Variants in DGCR8 observed in about 807,000 individuals in gnomAD.
DGCR8 encodes the protein microprocessor complex subunit DGCR8.
Under a neutral mutation model 78.5 loss-of-function variants are expected in DGCR8, and 14 were observed. The ratio of observed to expected loss-of-function variants is 0.18; its 90% CI spans 0.12 to 0.28. The LOEUF (loss-of-function observed/expected upper bound fraction) is 0.28. Ranked by LOEUF, DGCR8 falls within the 10% of genes least tolerant of loss-of-function variation. DGCR8 has a pLI of 1.00. For synonymous variants in DGCR8, 399 were observed against 402.4 expected (o/e 0.99, Z 0.10); for missense variants, 702 against 1,022.5 (o/e 0.69, Z 4.28).
rs985687929 is a variant in DGCR8, at chr22:20,100,425, C to T, written c.1788+5630C>T. Reference sequence around the variant, plus strand: ...GAAATATGGCTCCCAGGGAGGCTTCCAAGGCCCTCTGGGGAAGTGCTTGCG... The same window carrying T: ...GAAATATGGCTCCCAGGGAGGCTTCTAAGGCCCTCTGGGGAAGTGCTTGCG... On this transcript the variant is annotated intron_variant, in intron 9 of 13. Transcript: ENST00000351989. 1.7e-5 allele frequency: 17 copies of T among 985,272 alleles called. No homozygotes were observed. In the African/African-American group the frequency reaches 2.8e-4, roughly 16 times the overall value. The allele number at this position is 985,272 out of a possible 1,614,324, so 61.0% of individuals were successfully genotyped here.
At chr22:20,098,730 C>T (rs924170902) in intron 9 of DGCR8, among the ~76,000 whole-genome samples, 21 of 152,128 alleles carry the variant, frequency 1.4e-4, no homozygotes, top group African/African-American at 4.6e-4. Context: ...TGGAGGATAG[C>T]GATCTCCATG....
intron 13 of DGCR8, 30 bp from the exon 14 acceptor site, chr22:20,109,995 T>C (rs200853696): frequency 5.0e-6 from 8 of 1,611,356 alleles, no homozygotes; most frequent in East Asian, 2.2e-5. Context: ...CCCACCTCAC[T>C]GGTACCCCTG....
chr22:20,086,791 A>AC lies in DGCR8; in HGVS notation c.720+108_720+109insC. On this transcript the variant is annotated intron_variant, in intron 2 of 13. Transcript: ENST00000351989. The surrounding 1 kb of genome is among the most constrained non-coding windows in gnomAD (Gnocchi z 6.4). ...GGAAATTAAAAAAAAAAAAAACAAA[A>AC]ACCAAAATCCCCTCTGAGGTGGAAT... is the stretch of plus-strand genomic sequence containing the variant. 1 of 1,269,560 alleles carries AC rather than the reference A, an allele frequency of 7.9e-7. No homozygotes were observed. The highest frequency in any genetic ancestry group is 1.1e-6 in the Non-Finnish European group (1 of 928,334). 78.6% of individuals were successfully genotyped at this position (1,269,560 alleles called of 1,614,324 possible). A position where few individuals can be genotyped will look rare whatever the true frequency, so the allele number is the denominator to read the frequency against.
At chr22:20,088,115 G>A (rs766560247) in intron 3 of DGCR8, among the ~76,000 whole-genome samples, 6 of 152,108 alleles carry the variant, frequency 3.9e-5, no homozygotes, top group South Asian at 2.1e-4. Context: ...AGCAAGGGGC[G>A]GGTGGCACAT....
rs1224177680 is a variant in DGCR8, at chr22:20,085,129, C to T, written c.-277-558C>T. On this transcript the variant is annotated intron_variant, in intron 1 of 13. Transcript: ENST00000351989. This position sits in a 1 kb window ranked among gnomAD's most constrained non-coding sequence, Gnocchi z 6.2. The stretch of plus-strand genomic sequence containing the variant: ...ACCTCAGCACGCTGCATCACTGTCC[C>T]CGTCCACGTGCTACCCTGTGGGCCC... The T allele has an allele frequency of 2.5e-6, 2 of 791,342 alleles. No individual in the cohort carries two copies. Among genetic ancestry groups the T allele is most frequent in the Admixed American group, 1.2e-4 (2 of 16,040 alleles). 49.0% of individuals were successfully genotyped at this position (791,342 alleles called of 1,614,324 possible).
rs41281425 is a variant in DGCR8 at position 20,110,645 on chromosome 22, G to C, written c.*537G>C. Reference sequence around the variant, plus strand: ...TTTCCCCTTCTTTGAAAAGGTAGAAGAGAAAGGAATATTTTAAACCTTTTT... The same window carrying C: ...TTTCCCCTTCTTTGAAAAGGTAGAACAGAAAGGAATATTTTAAACCTTTTT... On this transcript the variant is annotated 3_prime_UTR_variant, in exon 14 of 14. Transcript: ENST00000351989. 11,746 of 155,140 alleles carry C rather than the reference G, an allele frequency of 0.076. 559 individuals are homozygous for C. Among genetic ancestry groups the C allele is most frequent in the African/African-American group, 0.13 (5,465 of 41,642 alleles). The allele number at this position is 155,140 out of a possible 1,614,324, so 9.6% of individuals were successfully genotyped here.
At position 20,086,752 on chromosome 22, in the gene DGCR8, T is replaced by C. The variant is rs2049488827; in HGVS notation, c.720+69T>C. The C allele has an allele frequency of 1.1e-5, 15 of 1,428,076 alleles. No individual in the cohort carries two copies. 88.5% of individuals were successfully genotyped at this position (1,428,076 alleles called of 1,614,324 possible). On this transcript the variant is annotated intron_variant, in intron 2 of 13. Transcript: ENST00000351989. This position sits in a 1 kb window ranked among gnomAD's most constrained non-coding sequence, Gnocchi z 6.4. ...AAAGAGAGATTTGGGAATTGCAGCA[T>C]CTTTTGAAAGCAGGGAAATTAAAAA...
chr22:20,109,519 C>T (rs2147944464), intron 13 of DGCR8, among the ~76,000 whole-genome samples: 1 of 152,322 alleles, frequency 6.6e-6, no homozygotes, highest in Middle Eastern at 3.4e-3. Flanking sequence ...GGGTGAGAGC[C>T]CCAGGAGGTA....
rs1161584726 is a variant in DGCR8 at position 20,086,205 on chromosome 22, C to G, written c.242C>G (p.Ser81Cys). The change falls in exon 2 of 14, where the codon TCT becomes TGT. Residue 81 changes from serine to cysteine, a missense_variant. Physicochemically the swap from Ser to Cys is moderately radical, Grantham distance 112 (BLOSUM62 -1). This residue lies in a region of DGCR8 where 356 missense variants were observed against 448.9 expected (regional missense o/e 0.79). Coordinates refer to ENST00000351989, the MANE Select transcript of DGCR8 (RefSeq NM_022720.7). The surrounding 1 kb of genome is among the most constrained non-coding windows in gnomAD (Gnocchi z 6.4). The stretch of plus-strand genomic sequence containing the variant: ...TCTCTTCTCTCCAAAGGATCCTTCT[C>G]TAAGGGCCGCCTCCTCATAGACCCG... ...GASLLSKGSF[S>C]KGRLLIDPNC... 6.2e-7 allele frequency: 1 copy of G among 1,614,152 alleles called. No homozygotes were observed. Among genetic ancestry groups the G allele is most frequent in the Admixed American group, 1.7e-5 (1 of 60,024 alleles).
At chr22:20,098,391 A>G (rs1013854454) in intron 9 of DGCR8, among the ~76,000 whole-genome samples, 3 of 152,278 alleles carry the variant, frequency 2.0e-5, no homozygotes, top group African/African-American at 7.2e-5. Context: ...GAGAGCGTGT[A>G]TATTAAACTG....
chr22:20,104,157 C>CTTT (rs1220884827), intron 9 of DGCR8, among the ~76,000 whole-genome samples: 2 of 136,028 alleles, frequency 1.5e-5, no homozygotes, highest in Non-Finnish European at 1.6e-5. Context: ...TGGTGTCGGT[C>CTTT]TTTTTTTTTT....
chr22:20,106,162 T>C lies in DGCR8; in HGVS notation c.1789-15T>C. The C allele has an allele frequency of 6.2e-7, 1 of 1,611,780 alleles. No homozygotes were observed. Among genetic ancestry groups the C allele is most frequent in the Non-Finnish European group, 8.5e-7 (1 of 1,178,112 alleles). On this transcript the variant is annotated splice_polypyrimidine_tract_variant and intron_variant, in intron 9 of 13. Coordinates refer to ENST00000351989, the MANE Select transcript of DGCR8 (RefSeq NM_022720.7). ...GGCCTGGTGGGGACTCACAAGCCTCTGCTTTGTGTTGTAGTATTTTAACCA... is the reference window on the plus strand; with the variant it reads ...GGCCTGGTGGGGACTCACAAGCCTCCGCTTTGTGTTGTAGTATTTTAACCA...
Position 20,111,008 on chromosome 22 carries a change from G to T in DGCR8, c.*900G>T. 4 of 397,446 alleles carry T rather than the reference G, an allele frequency of 1.0e-5. No individual in the cohort carries two copies. The highest frequency in any genetic ancestry group is 6.3e-4 in the Middle Eastern group (1 of 1,586). 24.6% of individuals were successfully genotyped at this position (397,446 alleles called of 1,614,324 possible). A position where few individuals can be genotyped will look rare whatever the true frequency, so the allele number is the denominator to read the frequency against. On this transcript the variant is annotated 3_prime_UTR_variant, in exon 14 of 14. Transcript: ENST00000351989. ...ACTTTCACAGTGAGAGTAGAAGGTA[G>T]ATTTGGAATCATGCATTTTAGCAAG...
rs376018418 is a variant in DGCR8 at position 20,109,986 on chromosome 22, C to A, written c.2239-39C>A. 11 of 1,603,522 alleles carry A rather than the reference C, an allele frequency of 6.9e-6. No homozygotes were observed. In the African/African-American group the frequency reaches 9.4e-5, roughly 14 times the overall value. ...GTGTCTTCCCGAGCCTCTGCCAAGC[C>A]CACCTCACTGGTACCCCTGACCTTT... On this transcript the variant is annotated intron_variant, in intron 13 of 13. Coordinates refer to ENST00000351989, the MANE Select transcript of DGCR8 (RefSeq NM_022720.7).
intron 1 of DGCR8, among the ~76,000 whole-genome samples, chr22:20,081,896 A>G (rs1275210028): frequency 1.3e-5 from 2 of 151,876 alleles, no homozygotes; most frequent in Admixed American, 6.6e-5. Context: ...CAGCTCACCT[A>G]TTTCTAAGCA....
intron 1 of DGCR8, among the ~76,000 whole-genome samples, chr22:20,082,646 C>T (rs1354694841): frequency 6.6e-6 from 1 of 152,216 alleles, no homozygotes; most frequent in African/African-American, 2.4e-5. Context: ...GGATTACAGT[C>T]GTGCACCACC....
At chr22:20,102,156 C>A in intron 9 of DGCR8, 1 of 753,186 alleles carries the variant, frequency 1.3e-6, no homozygotes, top group Non-Finnish European at 1.6e-6. Flanking sequence ...TGAGTTTTGA[C>A]AAATACACAG....
At chr22:20,106,310 A>G in intron 10 of DGCR8, 33 bp downstream of exon 10, 1 of 1,530,908 alleles carries the variant, frequency 6.5e-7, no homozygotes, top group Non-Finnish European at 9.0e-7. Flanking sequence ...CCCATGAGTC[A>G]GGTCGGGGGA....
chr22:20,102,377 G>A lies in DGCR8; in HGVS notation c.1789-3800G>A, dbSNP rs184356148. ...CTTGGTGTGGTGTGACGCATCCGTC[G>A]TGTGGTCATTTGTACTCCTGAGTGC... On this transcript the variant is annotated intron_variant, in intron 9 of 13. Transcript: ENST00000351989. 2.6e-5 allele frequency among the ~76,000 whole-genome samples: 4 copies of A among 152,256 alleles called. No homozygotes were observed. The East Asian group carries it at 7.7e-4, about 29-fold the overall frequency.
Sources: allele counts gnomAD v4.1 joint callset (sites outside exome capture counted in the v4.1 genomes callset), GRCh38; gene constraint gnomAD v4.1.1; regional missense constraint gnomAD v4.1.1; non-coding constraint Gnocchi (gnomAD v3.1); transcripts MANE v1.5; gene names NCBI Gene and HGNC (gene_info 2026-07-23, HGNC 2026-07-21).